The following VSIG4 variants were observed in gnomAD, a reference collection of about 807,000 sequenced individuals.
VSIG4 encodes V-set and immunoglobulin domain containing 4, also known as V-set and immunoglobulin domain-containing protein 4.
VSIG4 carries 34 observed loss-of-function variants against 23.4 expected under a neutral mutation model. The observed-to-expected ratio is 1.45, with a 90% confidence interval of 1.10 to 1.93. VSIG4 has a LOEUF of 1.93. Among genes scored for constraint, VSIG4 ranks in the 30% most tolerant of loss-of-function variants. The pLI is 0.00. For missense variants in VSIG4, 433 were observed against 310.8 expected (o/e 1.39, Z -2.96); for synonymous variants, 169 against 120.3 (o/e 1.41, Z -2.65).
At chrX:66,037,520 TA>T (rs1385817980) in intron 1 of VSIG4, among the ~76,000 whole-genome samples, 1 of 67,013 alleles carries the variant, frequency 1.5e-5, no homozygotes, top group Non-Finnish European at 2.5e-5. Flanking sequence ...AATAATAATA[TA>T]ATATAATATA....
At chrX:66,032,359 G>A in intron 3 of VSIG4, 109 bp downstream of exon 3, 1 of 992,010 alleles carries the variant, frequency 1.0e-6, no homozygotes, top group Middle Eastern at 3.9e-4. Context: ...ACCATTGCCT[G>A]CTTGGGATCC....
intron 1 of VSIG4, among the ~76,000 whole-genome samples, chrX:66,039,224 G>T (rs997475525): frequency 1.5e-4 from 17 of 112,162 alleles, no homozygotes; most frequent in African/African-American, 4.5e-4. Flanking sequence ...GCTTGGAGGA[G>T]AGAAGAGTCA....
intron 5 of VSIG4, among the ~76,000 whole-genome samples, chrX:66,025,661 T>C (rs924072342): frequency 1.2e-4 from 13 of 112,193 alleles, no homozygotes; most frequent in African/African-American, 3.9e-4. Flanking sequence ...CTAGATCTGT[T>C]ATTTACTTTC....
intron 5 of VSIG4, among the ~76,000 whole-genome samples, chrX:66,026,097 C>G (rs2085387256): frequency 8.9e-6 from 1 of 111,915 alleles, no homozygotes; most frequent in Non-Finnish European, 1.9e-5. Context: ...TTAGTTACCC[C>G]ATAAGTTCAA....
At position 66,027,478 on chromosome X, in the gene VSIG4, C is replaced by A; in HGVS notation, c.806G>T (p.Gly269Val). The change falls in exon 5 of 8, where the codon GGC becomes GTC. Residue 269 changes from glycine (G) to valine (V), a missense_variant. Transcript: ENST00000374737. ...CCCAGCACTGGTCTCTCCAAGGTAGCCATCCATGTCAGTGGTCCAGTCCCA... is the reference window on the plus strand; with the variant it reads ...CCCAGCACTGGTCTCTCCAAGGTAGACATCCATGTCAGTGGTCCAGTCCCA... Reference protein sequence around the residue: ...QSWDWTTDMDGYLGETSAGPG... With the variant: ...QSWDWTTDMDVYLGETSAGPG... 8.3e-7 allele frequency: 1 copy of A among 1,204,675 alleles called. No homozygotes were observed. The highest frequency in any genetic ancestry group is 1.1e-6 in the Non-Finnish European group (1 of 891,510).
chrX:66,027,934 C>G, intron 4 of VSIG4, 116 bp downstream of exon 4: 1 of 667,328 alleles, frequency 1.5e-6, no homozygotes, highest in Non-Finnish European at 2.4e-6. Context: ...GCTATGTTCT[C>G]TCTGAGGAAC....
chrX:66,025,779 A>G (rs1476003502), intron 5 of VSIG4, among the ~76,000 whole-genome samples: 1 of 112,237 alleles, frequency 8.9e-6, no homozygotes, highest in Non-Finnish European at 1.9e-5. Flanking sequence ...CAGAGATTTG[A>G]GAATGCTACA....
intron 3 of VSIG4, among the ~76,000 whole-genome samples, chrX:66,030,567 G>C (rs2085453066): frequency 9.0e-6 from 1 of 110,532 alleles, no homozygotes; most frequent in South Asian, 3.8e-4. Flanking sequence ...TGAGCCAAGA[G>C]GAAATGGATA....
chrX:66,033,795 C>CTGTT lies in VSIG4; in HGVS notation c.87_90dup (p.Gly31AsnfsTer15). On this transcript the variant is annotated frameshift_variant, in exon 2 of 8. Transcript: ENST00000374737. LOFTEE classifies it high-confidence loss of function. ...AGATTCACATCCCCTTTCCAAGGTCCTGTTACACTCTCTGGCACTTCCAGG... is the reference window on the plus strand; with the variant it reads ...AGATTCACATCCCCTTTCCAAGGTCCTGTTTGTTACACTCTCTGGCACTTCCAGG... The CTGTT allele has an allele frequency of 8.3e-7, 1 of 1,209,715 alleles. No homozygotes were observed. The highest frequency in any genetic ancestry group is 1.1e-6 in the Non-Finnish European group (1 of 894,504).
chrX:66,022,013 T>G lies in VSIG4; in HGVS notation c.*250A>C. 9.0e-7 allele frequency: 1 copy of G among 1,106,250 alleles called. No individual in the cohort carries two copies. 91.2% of individuals were successfully genotyped at this position (1,106,250 alleles called of 1,213,427 possible). A position where few individuals can be genotyped will look rare whatever the true frequency, so the allele number is the denominator to read the frequency against. ...AGTGCTATGGGCATCTTCCCTCTGG[T>G]ATTTAGAGAGGAGTACCAGAAGCCC... On this transcript the variant is annotated 3_prime_UTR_variant, in exon 8 of 8. Transcript: ENST00000374737.
chrX:66,038,093 T>C (rs1226757355), intron 1 of VSIG4, among the ~76,000 whole-genome samples: 1 of 111,513 alleles, frequency 9.0e-6, no homozygotes, highest in Non-Finnish European at 1.9e-5. Context: ...GTTTATAAAA[T>C]GTTTCTGAAA....
chrX:66,022,449 G>A lies in VSIG4; in HGVS notation c.1014C>T (p.Ile338=), dbSNP rs1372464789. ...NDSGETMRVA[I]FASGCSSDEP... ...CATCACTGGAGCAGCCACTTGCGAA[G>A]ATGGCCACCCTCATGGTTTCTCCAG... Residue 338 remains isoleucine (I), a synonymous_variant, in exon 8 of 8, where the codon ATC becomes ATT. Coordinates refer to ENST00000374737, the MANE Select transcript of VSIG4 (RefSeq NM_007268.3). The A allele has an allele frequency of 8.3e-7, 1 of 1,210,900 alleles. No individual in the cohort carries two copies. Among genetic ancestry groups the A allele is most frequent in the South Asian group, 1.8e-5 (1 of 56,906 alleles).
Position 66,033,457 on chromosome X carries a change from C to A in VSIG4, c.412+17G>T. ...TTCATTGATTATCAGTGCTTTCCTACCCCCATAGTGACTCACGTTTCTGGA... is the reference window on the plus strand; with the variant it reads ...TTCATTGATTATCAGTGCTTTCCTAACCCCATAGTGACTCACGTTTCTGGA... On this transcript the variant is annotated intron_variant, in intron 2 of 7. Transcript: ENST00000374737. The A allele has an allele frequency of 8.6e-7, 1 of 1,165,177 alleles. No individual in the cohort carries two copies.
Position 66,033,539 on chromosome X carries a change from G to T in VSIG4, c.347C>A (p.Thr116Asn). 1 of 1,211,527 alleles carries T rather than the reference G, an allele frequency of 8.3e-7. No homozygotes were observed. Among genetic ancestry groups the T allele is most frequent in the African/African-American group, 1.7e-5 (1 of 57,747 alleles). Reference sequence around the variant, plus strand: ...TTGGTTGCCATCAGGAGTCTGCCAGGTGACTTCACACGTGTAGTGGCTCCG... The same window carrying T: ...TTGGTTGCCATCAGGAGTCTGCCAGTTGACTTCACACGTGTAGTGGCTCCG... ...DDRSHYTCEV[T>N]WQTPDGNQVV... Residue 116 changes from threonine (T) to asparagine (N), a missense_variant, in exon 2 of 8, where the codon ACC becomes AAC. Coordinates refer to ENST00000374737, the MANE Select transcript of VSIG4 (RefSeq NM_007268.3).
chrX:66,022,578 C>T, intron 7 of VSIG4, 78 bp from the exon 8 acceptor site: 1 of 1,168,448 alleles, frequency 8.6e-7, no homozygotes, highest in African/African-American at 1.8e-5. Context: ...TGCCTCAATT[C>T]TTGCCAATTA....
At chrX:66,037,885 T>G (rs2085637011) in intron 1 of VSIG4, among the ~76,000 whole-genome samples, 1 of 107,184 alleles carries the variant, frequency 9.3e-6, no homozygotes, top group Non-Finnish European at 1.9e-5. Flanking sequence ...GTAATGGCAC[T>G]GAAGAAAAGA....
intron 1 of VSIG4, 49 bp from the exon 2 acceptor site, chrX:66,033,879 C>T (rs370486336): frequency 2.9e-6 from 3 of 1,019,839 alleles, no homozygotes; most frequent in South Asian, 2.2e-5. Flanking sequence ...GGCATACCTA[C>T]TTGGCAACTA....
At chrX:66,025,329 C>T (rs916635486) in intron 5 of VSIG4, among the ~76,000 whole-genome samples, 200 bp from the exon 6 acceptor site, 1 of 112,226 alleles carries the variant, frequency 8.9e-6, no homozygotes, top group Non-Finnish European at 1.9e-5. Flanking sequence ...TAAACAGGTT[C>T]TTCCAGACTC....
intron 6 of VSIG4, among the ~76,000 whole-genome samples, chrX:66,023,380 C>T (rs1222214064): frequency 8.9e-6 from 1 of 111,833 alleles, no homozygotes; most frequent in Non-Finnish European, 1.9e-5. Context: ...GAGGAGTGTC[C>T]TATATTCCGT....
Sources: allele counts gnomAD v4.1 joint callset (sites outside exome capture counted in the v4.1 genomes callset), GRCh38; gene constraint gnomAD v4.1.1; transcripts MANE v1.5; gene names NCBI Gene and HGNC (gene_info 2026-07-23, HGNC 2026-07-21).